Variants in AIG1 observed in about 807,000 individuals in gnomAD.
AIG1 encodes androgen induced 1.
Under a neutral mutation model 31.4 loss-of-function variants are expected in AIG1, and 23 were observed. The observed-to-expected ratio is 0.73, with a 90% CI of 0.53 to 1.04. AIG1 has a LOEUF of 1.04. AIG1 is among the 50% of genes least tolerant of loss of function. The pLI is 0.00. For synonymous variants in AIG1, 100 were observed against 110.5 expected, an observed-to-expected ratio of 0.90 and a Z score of 0.60; for missense variants, 274 against 295.0, an observed-to-expected ratio of 0.93 and a Z score of 0.52.
intron 1 of AIG1, among the ~76,000 whole-genome samples, chr6:143,110,695 T>A (rs1781192038): frequency 6.6e-6 from 1 of 152,156 alleles, no homozygotes; most frequent in Non-Finnish European, 1.5e-5. Flanking sequence ...GTGCGGAGTT[T>A]TTTTTGGTTG....
At chr6:143,102,667 T>A (rs1780406378) in intron 1 of AIG1, among the ~76,000 whole-genome samples, 1 of 151,190 alleles carries the variant, frequency 6.6e-6, no homozygotes, top group Non-Finnish European at 1.5e-5. Context: ...GTATTCTAGA[T>A]AAAATAATAG....
chr6:143,292,176 C>T lies in AIG1; in HGVS notation c.515+7951C>T, dbSNP rs1439610540. ...GGTATGGAAGGCAAAATAATGCTCA[C>T]CACAAGCCCCCAAAGATATCCACAT... On this transcript the variant is annotated intron_variant, in intron 4 of 5. Coordinates refer to ENST00000357847, the MANE Select transcript of AIG1 (RefSeq NM_016108.4). The surrounding 1 kb of genome is among the most constrained non-coding windows in gnomAD (Gnocchi z 4.9). Among the ~76,000 whole-genome samples, 2 of 152,182 alleles carry T rather than the reference C, an allele frequency of 1.3e-5. No individual in the cohort carries two copies. Among genetic ancestry groups the T allele is most frequent in the East Asian group, 3.8e-4 (2 of 5,198 alleles).
intron 2 of AIG1, among the ~76,000 whole-genome samples, chr6:143,160,298 T>G (rs1214930668): frequency 2.6e-5 from 4 of 152,198 alleles, no homozygotes; most frequent in Non-Finnish European, 5.9e-5. Context: ...CAATAAAGCT[T>G]CTTCTTAGAA....
intron 1 of AIG1, among the ~76,000 whole-genome samples, chr6:143,090,008 T>C (rs138075611): frequency 5.3e-5 from 8 of 152,362 alleles, no homozygotes; most frequent in South Asian, 2.1e-4. Context: ...ATGTCTATTA[T>C]TCTAATTGTT....
intron 3 of AIG1, among the ~76,000 whole-genome samples, chr6:143,182,239 GC>G (rs1428226331): frequency 6.6e-6 from 1 of 152,104 alleles, no homozygotes; most frequent in Non-Finnish European, 1.5e-5. Flanking sequence ...TCACTATGTT[GC>G]CTAGGCTGAT....
intron 1 of AIG1, among the ~76,000 whole-genome samples, chr6:143,118,361 A>T (rs577043061): frequency 6.6e-6 from 1 of 152,122 alleles, no homozygotes; most frequent in Admixed American, 6.5e-5. Flanking sequence ...CGAGAGGCTG[A>T]GGCAGGGGTA....
chr6:143,080,020 G>A (rs1778078788), intron 1 of AIG1, among the ~76,000 whole-genome samples: 2 of 151,862 alleles, frequency 1.3e-5, no homozygotes, highest in African/African-American at 4.9e-5. Flanking sequence ...TTGGCTGAGT[G>A]TGAGCTGAGT....
intron 3 of AIG1, among the ~76,000 whole-genome samples, chr6:143,281,288 G>T (rs1401546613): frequency 3.9e-5 from 6 of 152,170 alleles, no homozygotes; most frequent in Non-Finnish European, 8.8e-5. Context: ...ATCCATATAA[G>T]ATGTTGTTTT....
chr6:143,149,835 TC>T (rs1370975071), intron 2 of AIG1, among the ~76,000 whole-genome samples: 1 of 152,224 alleles, frequency 6.6e-6, no homozygotes, highest in East Asian at 1.9e-4. Context: ...CGTGCTTGTT[TC>T]TAATATGTGA....
At chr6:143,149,458 C>T (rs1335354432) in intron 2 of AIG1, among the ~76,000 whole-genome samples, 3 of 131,630 alleles carry the variant, frequency 2.3e-5, no homozygotes, top group Non-Finnish European at 4.6e-5. Flanking sequence ...ACCCTGAAGG[C>T]GGGGCTTGCA....
At chr6:143,290,222 G>A (rs1020707177) in intron 4 of AIG1, among the ~76,000 whole-genome samples, 1 of 152,210 alleles carries the variant, frequency 6.6e-6, no homozygotes, top group Non-Finnish European at 1.5e-5. Flanking sequence ...AGGAGTAAAA[G>A]TTTATTTAAA....
At chr6:143,132,277 A>T (rs1361770708) in intron 1 of AIG1, among the ~76,000 whole-genome samples, 2 of 152,124 alleles carry the variant, frequency 1.3e-5, no homozygotes, top group Non-Finnish European at 2.9e-5. Flanking sequence ...TCATTTCTTC[A>T]TTCCTCTAAT....
Position 143,297,568 on chromosome 6 carries a change from G to A in AIG1, c.515+13343G>A, listed in dbSNP as rs1798520598. 1.3e-5 allele frequency among the ~76,000 whole-genome samples: 2 copies of A among 151,882 alleles called. No individual in the cohort carries two copies. The highest frequency in any genetic ancestry group is 4.2e-4 in the South Asian group (2 of 4,802). On this transcript the variant is annotated intron_variant, in intron 4 of 5. Coordinates refer to ENST00000357847, the MANE Select transcript of AIG1 (RefSeq NM_016108.4). The surrounding 1 kb of genome is among the most constrained non-coding windows in gnomAD (Gnocchi z 5.1). ...TGGCTGGGTGATTGGATGGTTGGGT[G>A]GTTGGTTGGGTGGGTGGTTGCTTAG... is the stretch of plus-strand genomic sequence containing the variant.
intron 3 of AIG1, among the ~76,000 whole-genome samples, chr6:143,178,936 G>A (rs1788458884): frequency 6.6e-6 from 1 of 152,130 alleles, no homozygotes; most frequent in Non-Finnish European, 1.5e-5. Flanking sequence ...ATACTCACAG[G>A]ACTTAGGGAC....
At chr6:143,337,474 C>G (rs1038240643) in intron 5 of AIG1, among the ~76,000 whole-genome samples, 4 of 151,816 alleles carry the variant, frequency 2.6e-5, no homozygotes, top group Non-Finnish European at 5.9e-5. Flanking sequence ...TTCGATGTAG[C>G]AGTTTGGCGG....
At chr6:143,135,744 A>G (rs1783669707) in intron 1 of AIG1, among the ~76,000 whole-genome samples, 1 of 152,202 alleles carries the variant, frequency 6.6e-6, no homozygotes, top group East Asian at 1.9e-4. Context: ...GACCCTATCC[A>G]CAGAGCTTTC....
At chr6:143,314,915 G>T (rs749385536) in intron 4 of AIG1, among the ~76,000 whole-genome samples, 1 of 152,072 alleles carries the variant, frequency 6.6e-6, no homozygotes, top group Non-Finnish European at 1.5e-5. Context: ...ACTAACATCA[G>T]AATTGTCTGA....
chr6:143,250,489 G>T (rs973283417), intron 3 of AIG1, among the ~76,000 whole-genome samples: 8 of 152,180 alleles, frequency 5.3e-5, no homozygotes, highest in African/African-American at 1.9e-4. Flanking sequence ...TGGCAAAAGA[G>T]TGATTATTAA....
intron 3 of AIG1, among the ~76,000 whole-genome samples, chr6:143,214,853 G>A (rs1791894033): frequency 6.6e-6 from 1 of 152,074 alleles, no homozygotes; most frequent in South Asian, 2.1e-4. Flanking sequence ...TGGAATAGCT[G>A]TGCTCCTGTT....
Sources: gnomAD v4.1 joint callset for allele counts (sites outside exome capture counted in the v4.1 genomes callset) on GRCh38, gnomAD v4.1.1 for gene constraint, Gnocchi (gnomAD v3.1) non-coding constraint, MANE v1.5 for transcripts, NCBI Gene and HGNC (gene_info 2026-07-23, HGNC 2026-07-21) for gene names.